GSE1: variants seen among roughly 807,000 people sequenced by gnomAD.
GSE1 encodes the protein genetic suppressor element 1.
In GSE1, 32 loss-of-function variants were observed where a neutral mutation model predicts 112.6. The ratio of observed to expected loss-of-function variants is 0.28; its 90% CI spans 0.21 to 0.38. GSE1 has a LOEUF of 0.38. Among genes scored for constraint, GSE1 ranks in the 10% least tolerant of loss-of-function variants. The probability of loss-of-function intolerance (pLI) is 1.00; values close to 1 mark genes in which losing one functional copy is unlikely to be tolerated. For synonymous variants in GSE1, 1,115 were observed against 735.6 expected (o/e 1.52, Z -8.35); for missense variants, 2,348 against 1,699.2 (o/e 1.38, Z -6.71).
intron 1 of GSE1, among the ~76,000 whole-genome samples, chr16:85,577,605 AC>A (rs1302494699): frequency 2.6e-5 from 4 of 151,968 alleles, no homozygotes; most frequent in African/African-American, 7.3e-5. Context: ...GGAGGGGCTG[AC>A]CCCAGAGAGG....
At chr16:85,628,301 C>G (rs1200982329) in intron 1 of GSE1, among the ~76,000 whole-genome samples, 1 of 152,258 alleles carries the variant, frequency 6.6e-6, no homozygotes, top group African/African-American at 2.4e-5. Context: ...AGGCTCACAG[C>G]TCCTCAGGAG....
chr16:85,199,477 TA>T (rs1330872481), intron 1 of GSE1, among the ~76,000 whole-genome samples: 1 of 152,166 alleles, frequency 6.6e-6, no homozygotes, highest in Non-Finnish European at 1.5e-5. Context: ...TTTTAAAATG[TA>T]AACACCCTCT....
At chr16:85,397,389 G>A (rs189930575) in intron 2 of GSE1, among the ~76,000 whole-genome samples, 173 of 152,344 alleles carry the variant, frequency 1.1e-3, no homozygotes, top group Non-Finnish European at 1.6e-3. Context: ...CGTCTCCTGC[G>A]GGCGGTGTGT....
intron 2 of GSE1, among the ~76,000 whole-genome samples, chr16:85,494,751 G>T (rs1375791959): frequency 6.6e-6 from 1 of 152,184 alleles, no homozygotes; most frequent in African/African-American, 2.4e-5. Context: ...AAATTTGGGG[G>T]GAACTCTATT....
intron 2 of GSE1, among the ~76,000 whole-genome samples, chr16:85,474,739 C>G (rs571111504): frequency 6.6e-6 from 1 of 151,528 alleles, no homozygotes; most frequent in Non-Finnish European, 1.5e-5. Context: ...CTTCTCCTCC[C>G]CAACAAGCTC....
At chr16:85,450,734 C>A (rs2049655270) in intron 2 of GSE1, among the ~76,000 whole-genome samples, 1 of 151,656 alleles carries the variant, frequency 6.6e-6, no homozygotes, top group Non-Finnish European at 1.5e-5. Context: ...CAGGCATGAG[C>A]CACCTCGCCC....
At chr16:85,633,534 GCCT>G (rs1567685518) in intron 1 of GSE1, among the ~76,000 whole-genome samples, 1 of 152,170 alleles carries the variant, frequency 6.6e-6, no homozygotes, top group African/African-American at 2.4e-5. Flanking sequence ...CGGGCCGCAC[GCCT>G]CCTCCGCCTG....
At chr16:85,611,457 C>G, upstream of GSE1, 1 of 984,892 alleles carries the variant, frequency 1.0e-6, no homozygotes, top group Non-Finnish European at 1.2e-6. Flanking sequence ...GCAAGGGGGG[C>G]GCCGCCGGTG....
chr16:85,344,210 G>T (rs1332553776), intron 1 of GSE1, among the ~76,000 whole-genome samples: 4 of 152,180 alleles, frequency 2.6e-5, no homozygotes, highest in Non-Finnish European at 4.4e-5. Flanking sequence ...GGGAGCTAGG[G>T]ATAGTGCCCA....
chr16:85,539,024 C>G (rs1444246624), intron 2 of GSE1, among the ~76,000 whole-genome samples: 1 of 152,208 alleles, frequency 6.6e-6, no homozygotes, highest in African/African-American at 2.4e-5. Context: ...AAGGCCGGTG[C>G]CCCTGCACAG....
chr16:85,201,651 C>CAA (rs60277500), intron 1 of GSE1, among the ~76,000 whole-genome samples: 3 of 141,922 alleles, frequency 2.1e-5, no homozygotes, highest in East Asian at 4.1e-4. Context: ...GACTCCGTCT[C>CAA]AAAAAAAAAA....
At position 85,444,739 on chromosome 16, in the gene GSE1, A is replaced by G. The variant is rs541060399; in HGVS notation, c.2464+87096A>G. Among the ~76,000 whole-genome samples the G allele has an allele frequency of 2.6e-5, 4 of 152,124 alleles. No homozygotes were observed. In the East Asian group the frequency reaches 7.8e-4, roughly 30 times the overall value. On this transcript the variant is annotated intron_variant, in intron 2 of 2. Transcript: ENST00000637419. ...CTAGAAAAGCTGCCTCCTGTGACCC[A>G]CTGAACCAGCATCCAGCACAGGCCT...
rs955548208 is a variant in GSE1 at position 85,673,496 on chromosome 16, C to T, written c.*957C>T. Reference sequence around the variant, plus strand: ...TTTTGGGCAAAAAAAAAAAAAAAACCTTGCTTTTAGTGTTTGTACTGCTGC... The same window carrying T: ...TTTTGGGCAAAAAAAAAAAAAAAACTTTGCTTTTAGTGTTTGTACTGCTGC... On this transcript the variant is annotated 3_prime_UTR_variant, in exon 16 of 16. Transcript: ENST00000253458. The T allele has an allele frequency of 7.6e-5, 11 of 145,438 alleles. No individual in the cohort carries two copies. Among genetic ancestry groups the T allele is most frequent in the African/African-American group, 2.8e-4 (11 of 39,574 alleles). 9.0% of individuals were successfully genotyped at this position (145,438 alleles called of 1,614,324 possible). A position where few individuals can be genotyped will look rare whatever the true frequency, so the allele number is the denominator to read the frequency against.
Position 85,654,408 on chromosome 16 carries a change from C to A in GSE1, c.557C>A (p.Ser186Tyr), listed in dbSNP as rs760086792. ...AGCACCCCCTACCCCTTCGGCCTCT[C>A]CCCCAGCTCAGTTGTGCAGGATTCC... Reference protein sequence around the residue: ...LLSTPYPFGLSPSSVVQDSRF... With the variant: ...LLSTPYPFGLYPSSVVQDSRF... Residue 186 changes from serine to tyrosine, a missense_variant, in exon 4 of 16, where the codon TCC (serine) becomes TAC (tyrosine). Coordinates refer to ENST00000253458, the MANE Select transcript of GSE1 (RefSeq NM_014615.5). The A allele has an allele frequency of 6.3e-7, 1 of 1,593,970 alleles. No homozygotes were observed. Among genetic ancestry groups the A allele is most frequent in the Non-Finnish European group, 8.5e-7 (1 of 1,169,932 alleles).
intron 1 of GSE1, among the ~76,000 whole-genome samples, chr16:85,306,992 A>G (rs2045696541): frequency 6.6e-6 from 1 of 152,240 alleles, no homozygotes; most frequent in South Asian, 2.1e-4. Context: ...CAAGCCACCC[A>G]GGTGTGTGGG....
At chr16:85,433,690 A>C (rs556699966) in intron 2 of GSE1, among the ~76,000 whole-genome samples, 9 of 151,884 alleles carry the variant, frequency 5.9e-5, no homozygotes, top group Non-Finnish European at 1.3e-4. Context: ...GATGAGCAGA[A>C]GGATAGATGG....
chr16:85,511,172 C>T (rs1468755138), intron 2 of GSE1, among the ~76,000 whole-genome samples: 1 of 152,176 alleles, frequency 6.6e-6, no homozygotes, highest in Non-Finnish European at 1.5e-5. Context: ...CTGAGCTGGA[C>T]TCAGAGAAGC....
At position 85,668,278 on chromosome 16, in the gene GSE1, A is replaced by G. The variant is rs2053045508; in HGVS notation, c.3269A>G (p.Lys1090Arg). The part of the protein sequence containing the change: ...NGQQEPPTAR[K>R]GPPTQELDRD... ...CAGCAGGAGCCCCCCACTGCAAGGA[A>G]GGGCCCCCCAACCCAGGAGTTGGAC... Residue 1090 changes from lysine (K) to arginine (R), a missense_variant, in exon 14 of 16, where the codon AAG becomes AGG. Coordinates refer to ENST00000253458, the MANE Select transcript of GSE1 (RefSeq NM_014615.5). The G allele has an allele frequency of 4.3e-6, 7 of 1,612,416 alleles. No homozygotes were observed. The highest frequency in any genetic ancestry group is 1.1e-5 in the South Asian group (1 of 91,042).
chr16:85,242,740 G>A (rs74031742), intron 1 of GSE1, among the ~76,000 whole-genome samples: 2,252 of 152,294 alleles, frequency 0.015, 54 homozygotes, highest in African/African-American at 0.051. Context: ...TAATTGGCTT[G>A]GGGTGGAGCC....
Sources: allele counts gnomAD v4.1 joint callset (sites outside exome capture counted in the v4.1 genomes callset), GRCh38; gene constraint gnomAD v4.1.1; transcripts MANE v1.5; gene names NCBI Gene and HGNC (gene_info 2026-07-23, HGNC 2026-07-21).